Variants in FAAH2 observed in about 807,000 individuals in gnomAD.
The protein encoded by FAAH2 is fatty acid amide hydrolase 2.
Under a neutral mutation model 36.9 loss-of-function variants are expected in FAAH2, and 60 were observed. The observed-to-expected ratio is 1.63, with a 90% CI of 1.32 to 2.02. The LOEUF (loss-of-function observed/expected upper bound fraction) is 2.02, where lower values mean the gene tolerates loss of function less well. Among genes scored for constraint, FAAH2 ranks in the 30% most tolerant of loss-of-function variants. The pLI is 0.00. For missense variants in FAAH2, 689 were observed against 397.5 expected (o/e 1.73, Z -6.23); for synonymous variants, 214 against 143.8 (o/e 1.49, Z -3.49).
the FAAH2 span, among the ~76,000 whole-genome samples, chrX:57,151,270 T>C: frequency 9.0e-6 from 1 of 111,556 alleles, no homozygotes; most frequent in Non-Finnish European, 1.9e-5. Context: ...AGTATCTTTG[T>C]GGCATTGTCT....
chrX:57,213,622 G>A, the FAAH2 span, among the ~76,000 whole-genome samples: 1 of 111,693 alleles, frequency 9.0e-6, no homozygotes, highest in Non-Finnish European at 1.9e-5. Context: ...TAATTTCTAT[G>A]TGTTTGTATA....
chrX:57,471,388 T>A (rs936661866), intron 10 of FAAH2, among the ~76,000 whole-genome samples: 1 of 112,282 alleles, frequency 8.9e-6, no homozygotes, highest in Non-Finnish European at 1.9e-5. Flanking sequence ...GATAAGCAAC[T>A]TCAGCAAAGT....
chrX:57,220,001 G>A, the FAAH2 span, among the ~76,000 whole-genome samples: 450 of 107,607 alleles, frequency 4.2e-3, 2 homozygotes, highest in African/African-American at 0.015. Flanking sequence ...GACGACTGGA[G>A]AAATGGCAAG....
the FAAH2 span, among the ~76,000 whole-genome samples, chrX:57,193,280 C>A: frequency 9.0e-6 from 1 of 111,599 alleles, no homozygotes; most frequent in African/African-American, 3.3e-5. Context: ...CATAGTGCTC[C>A]CAGACTTATT....
the FAAH2 span, among the ~76,000 whole-genome samples, chrX:57,211,516 G>A: frequency 1.8e-5 from 2 of 111,777 alleles, no homozygotes; most frequent in Admixed American, 9.5e-5. Flanking sequence ...CATTGCCTGG[G>A]ACACCTGAGT....
the FAAH2 span, among the ~76,000 whole-genome samples, chrX:57,235,115 G>A: frequency 9.0e-6 from 1 of 110,591 alleles, no homozygotes; most frequent in Non-Finnish European, 1.9e-5. Context: ...GTGTAGCAGT[G>A]GTGTATGATC....
At chrX:57,253,112 G>A in the FAAH2 span, among the ~76,000 whole-genome samples, 1 of 111,294 alleles carries the variant, frequency 9.0e-6, no homozygotes, top group South Asian at 3.8e-4. Flanking sequence ...TAGACTTCGT[G>A]AAGCATACAC....
chrX:57,291,974 G>A (rs1437054186), intron 1 of FAAH2, among the ~76,000 whole-genome samples: 1 of 110,026 alleles, frequency 9.1e-6, no homozygotes, highest in East Asian at 2.8e-4. Flanking sequence ...GCAATTATTG[G>A]GACATACTTA....
At chrX:57,322,499 A>G (rs932043473) in intron 3 of FAAH2, among the ~76,000 whole-genome samples, 1 of 110,911 alleles carries the variant, frequency 9.0e-6, no homozygotes. Context: ...CTCATGAAGC[A>G]TTTTGCGTGG....
At chrX:57,309,295 C>A (rs1011759145) in intron 2 of FAAH2, among the ~76,000 whole-genome samples, 1 of 111,538 alleles carries the variant, frequency 9.0e-6, no homozygotes, top group Non-Finnish European at 1.9e-5. Context: ...AATCATAGCA[C>A]CAAAAGAGTA....
the FAAH2 span, among the ~76,000 whole-genome samples, chrX:57,279,462 G>A: frequency 8.9e-6 from 1 of 111,804 alleles, no homozygotes; most frequent in Non-Finnish European, 1.9e-5. Context: ...GGGACTGGGG[G>A]ACTAGGTGAG....
chrX:57,452,536 G>A (rs954296277), intron 10 of FAAH2, among the ~76,000 whole-genome samples: 1 of 112,588 alleles, frequency 8.9e-6, no homozygotes, highest in Non-Finnish European at 1.9e-5. Context: ...CTGCTATATT[G>A]TTAGCTCTTC....
chrX:57,432,311 C>T (rs769157533), intron 8 of FAAH2, among the ~76,000 whole-genome samples: 1 of 111,024 alleles, frequency 9.0e-6, no homozygotes, highest in African/African-American at 3.3e-5. Flanking sequence ...GATTTGGAAA[C>T]CTTAACCAGG....
chrX:57,379,485 T>C (rs1470967824), intron 6 of FAAH2, among the ~76,000 whole-genome samples: 1 of 109,561 alleles, frequency 9.1e-6, no homozygotes, highest in African/African-American at 3.3e-5. Flanking sequence ...TTCCATTACT[T>C]ATCTCATCTT....
chrX:57,349,093 T>A (rs1386839794), intron 5 of FAAH2, among the ~76,000 whole-genome samples: 2 of 96,638 alleles, frequency 2.1e-5, no homozygotes, highest in South Asian at 4.4e-4. Context: ...CATATATATA[T>A]TATATATATA....
At chrX:57,180,469 A>C in the FAAH2 span, among the ~76,000 whole-genome samples, 1 of 111,771 alleles carries the variant, frequency 8.9e-6, no homozygotes, top group African/African-American at 3.2e-5. Flanking sequence ...TACAAATAAC[A>C]ATCATATTAT....
the FAAH2 span, among the ~76,000 whole-genome samples, chrX:57,166,532 G>T: frequency 8.9e-6 from 1 of 112,184 alleles, no homozygotes; most frequent in Middle Eastern, 4.2e-3. Flanking sequence ...CCCATTGAAT[G>T]CCCTGAAATG....
the FAAH2 span, among the ~76,000 whole-genome samples, chrX:57,190,168 A>G: frequency 1.8e-5 from 2 of 109,965 alleles, no homozygotes; most frequent in Non-Finnish European, 3.8e-5. Context: ...TGAGTTCCTC[A>G]CAGTCCCAAC....
At chrX:57,480,471 G>A (rs562330949) in intron 10 of FAAH2, among the ~76,000 whole-genome samples, 1 of 111,839 alleles carries the variant, frequency 8.9e-6, no homozygotes, top group East Asian at 2.8e-4. Context: ...GTCTTTGAAA[G>A]ATTTTATTTC....
Sources: gnomAD v4.1 joint callset for allele counts (sites outside exome capture counted in the v4.1 genomes callset) on GRCh38, gnomAD v4.1.1 for gene constraint, MANE v1.5 for transcripts, NCBI Gene and HGNC (gene_info 2026-07-23, HGNC 2026-07-21) for gene names.